Variants in TCF3 observed in about 807,000 individuals in gnomAD.
TCF3 encodes transcription factor 3.
A neutral mutation model predicts 72.3 loss-of-function variants in TCF3; 54 were observed. The ratio of observed to expected loss-of-function variants is 0.75; its 90% CI spans 0.60 to 0.94. TCF3 has a LOEUF of 0.94. Among genes scored for constraint, TCF3 ranks in the 40% least tolerant of loss-of-function variants. TCF3 has a pLI of 0.00. For missense variants in TCF3, 1,078 were observed against 934.4 expected, an observed-to-expected ratio of 1.15 and a Z score of -2.00; for synonymous variants, 525 against 412.6, an observed-to-expected ratio of 1.27 and a Z score of -3.30.
chr19:1,650,132 T>C (rs752362228), intron 2 of TCF3, 45 bp downstream of exon 2: 28 of 1,489,942 alleles, frequency 1.9e-5, no homozygotes, highest in Non-Finnish European at 2.5e-5. Context: ...CCGTGAACTG[T>C]GGAGGCAAAG....
intron 5 of TCF3, among the ~76,000 whole-genome samples, chr19:1,629,212 G>A (rs1313588651): frequency 6.6e-6 from 1 of 152,052 alleles, no homozygotes; most frequent in Admixed American, 6.5e-5. Flanking sequence ...GGCGTTGAGG[G>A]GCTGATGCCC....
chr19:1,615,850 C>T lies in TCF3; in HGVS notation c.1451-29G>A, dbSNP rs369476320. 2.3e-5 allele frequency: 35 copies of T among 1,510,144 alleles called. No individual in the cohort carries two copies. Among genetic ancestry groups the T allele is most frequent in the Middle Eastern group, 1.8e-4 (1 of 5,582 alleles). The allele number at this position is 1,510,144 out of a possible 1,614,324, so 93.5% of individuals were successfully genotyped here. On this transcript the variant is annotated intron_variant, in intron 16 of 18. Coordinates refer to ENST00000262965, the MANE Select transcript of TCF3 (RefSeq NM_003200.5). The surrounding 1 kb of genome is among the most constrained non-coding windows in gnomAD (Gnocchi z 7.3). ...CAACAGGCCTAGGGTCAGGGGCCTGCGTCGGCCTCCAGGGCCAACTGACAT... is the reference window on the plus strand; with the variant it reads ...CAACAGGCCTAGGGTCAGGGGCCTGTGTCGGCCTCCAGGGCCAACTGACAT...
In TCF3 at chr19:1,652,449, A is replaced by C. The variant is rs1415709157; in HGVS notation, c.-189T>G. 2.6e-4 allele frequency: 26 copies of C among 100,068 alleles called. No homozygotes were observed. The highest frequency in any genetic ancestry group is 1.1e-3 in the South Asian group (3 of 2,814). 6.2% of individuals were successfully genotyped at this position (100,068 alleles called of 1,614,324 possible). On this transcript the variant is annotated 5_prime_UTR_variant, in exon 1 of 19. Coordinates refer to ENST00000262965, the MANE Select transcript of TCF3 (RefSeq NM_003200.5). ...GGCGCGCGTGGCCCGGGCCCCTCCC[A>C]CCCCCGCGTGGCCCGTCCCGCGGGG...
intron 5 of TCF3, among the ~76,000 whole-genome samples, chr19:1,627,777 G>GA (rs56728535): frequency 2.8e-4 from 42 of 150,542 alleles, no homozygotes; most frequent in African/African-American, 7.9e-4. Context: ...AGCTCACGGG[G>GA]TGAGGTGGGA....
At position 1,650,787 on chromosome 19, in the gene TCF3, C is replaced by A. The variant is rs1016347116; in HGVS notation, c.-39-500G>T. 4 of 231,314 alleles carry A rather than the reference C, an allele frequency of 1.7e-5. No homozygotes were observed. In the East Asian group the frequency reaches 1.8e-4, roughly 11 times the overall value. The allele number at this position is 231,314 out of a possible 1,614,324, so 14.3% of individuals were successfully genotyped here. A position where few individuals can be genotyped will look rare whatever the true frequency, so the allele number is the denominator to read the frequency against. On this transcript the variant is annotated intron_variant, in intron 1 of 18. Transcript: ENST00000262965. ...GCACAGCCCGTTGAAGACCAGGTCGCCCCCAAATTCAACATGAAGGAAATC... is the reference window on the plus strand; with the variant it reads ...GCACAGCCCGTTGAAGACCAGGTCGACCCCAAATTCAACATGAAGGAAATC...
rs1329744464 is a variant in TCF3 at position 1,610,938 on chromosome 19, G to T, written c.*769C>A. 3 of 130,176 alleles carry T rather than the reference G, an allele frequency of 2.3e-5. No homozygotes were observed. Among genetic ancestry groups the T allele is most frequent in the African/African-American group, 3.3e-5 (1 of 30,480 alleles). The allele number at this position is 130,176 out of a possible 1,614,324, so 8.1% of individuals were successfully genotyped here. A position where few individuals can be genotyped will look rare whatever the true frequency, so the allele number is the denominator to read the frequency against. On this transcript the variant is annotated 3_prime_UTR_variant, in exon 19 of 19. Coordinates refer to ENST00000262965, the MANE Select transcript of TCF3 (RefSeq NM_003200.5). ...GCAGTGGCTTCCGGGGGGGGGGGGG[G>T]ACGGGGGGGCTCAGGTTTACACGGG...
intron 2 of TCF3, among the ~76,000 whole-genome samples, chr19:1,648,374 C>T (rs927372032): frequency 3.3e-5 from 5 of 152,138 alleles, no homozygotes; most frequent in East Asian, 1.9e-4. Flanking sequence ...CCGGAGAGGA[C>T]GGGCACCTCG....
chr19:1,651,921 C>A (rs2067159258), intron 1 of TCF3, among the ~76,000 whole-genome samples: 1 of 151,046 alleles, frequency 6.6e-6, no homozygotes, highest in Non-Finnish European at 1.5e-5. Flanking sequence ...GGGCCGGGCC[C>A]CCCTCTACCC....
intron 16 of TCF3, chr19:1,616,473 CAA>C (rs755264667): frequency 8.8e-5 from 11 of 124,700 alleles, no homozygotes; most frequent in Admixed American, 8.2e-5. Flanking sequence ...GACTCCGTCT[CAA>C]AAAAAAAAAA....
intron 2 of TCF3, among the ~76,000 whole-genome samples, chr19:1,647,877 G>T (rs1051017116): frequency 6.6e-6 from 1 of 152,196 alleles, no homozygotes; most frequent in African/African-American, 2.4e-5. Context: ...ATGGACCGAG[G>T]GCTCTGGCTG....
At chr19:1,629,767 A>G (rs907636557) in intron 5 of TCF3, among the ~76,000 whole-genome samples, 5 of 152,184 alleles carry the variant, frequency 3.3e-5, no homozygotes, top group East Asian at 1.9e-4. Flanking sequence ...AGTAATGTAC[A>G]TTATTCTCAA....
rs540385028 is a variant in TCF3, at chr19:1,619,094, C to T, written c.1450+17G>A. On this transcript the variant is annotated intron_variant, in intron 16 of 18. Coordinates refer to ENST00000262965, the MANE Select transcript of TCF3 (RefSeq NM_003200.5). ...ACTGGAACCAGGAGTCGGACAGTCC[C>T]AAGCTCAAGGGCTTACCACTGTAGG... The T allele has an allele frequency of 1.9e-6, 3 of 1,599,122 alleles. No homozygotes were observed. The highest frequency in any genetic ancestry group is 8.5e-7 in the Non-Finnish European group (1 of 1,179,666).
chr19:1,610,670 G>C lies in TCF3; in HGVS notation c.*1037C>G, dbSNP rs1189640037. 2 of 230,710 alleles carry C rather than the reference G, an allele frequency of 8.7e-6. No homozygotes were observed. The highest frequency in any genetic ancestry group is 8.6e-6 in the Non-Finnish European group (1 of 116,568). 14.3% of individuals were successfully genotyped at this position (230,710 alleles called of 1,614,324 possible). A position where few individuals can be genotyped will look rare whatever the true frequency, so the allele number is the denominator to read the frequency against. ...GGGGGCCTGGGGAGGGCGTTGTGTAGGGTAGCCCTGGGGGCCACAGCTGCT... is the reference window on the plus strand; with the variant it reads ...GGGGGCCTGGGGAGGGCGTTGTGTACGGTAGCCCTGGGGGCCACAGCTGCT... On this transcript the variant is annotated 3_prime_UTR_variant, in exon 19 of 19. Coordinates refer to ENST00000262965, the MANE Select transcript of TCF3 (RefSeq NM_003200.5).
rs1417098132 is a variant in TCF3 at position 1,610,134 on chromosome 19, AAGG to A, written c.*1570_*1572del. 4.3e-6 allele frequency: 1 copy of A among 232,178 alleles called. No homozygotes were observed. The highest frequency in any genetic ancestry group is 6.1e-5 in the East Asian group (1 of 16,466). The allele number at this position is 232,178 out of a possible 1,614,324, so 14.4% of individuals were successfully genotyped here. On this transcript the variant is annotated 3_prime_UTR_variant, in exon 19 of 19. Coordinates refer to ENST00000262965, the MANE Select transcript of TCF3 (RefSeq NM_003200.5). ...TTACCCTCATGGCAAAAGACCAGAA[AAGG>A]AGACCTGGAGAGAGGCCTGGGTGCT... is the stretch of plus-strand genomic sequence containing the variant.
chr19:1,646,549 T>C (rs529556684), intron 2 of TCF3, 122 bp from the exon 3 acceptor site: 366 of 844,196 alleles, frequency 4.3e-4, no homozygotes, highest in Non-Finnish European at 5.6e-4. Context: ...CTGCGCTCCA[T>C]CTAGGCCCGG....
rs149737199 is a variant in TCF3 at position 1,649,658 on chromosome 19, A to G, written c.72+519T>C. Among the ~76,000 whole-genome samples, 258 of 152,174 alleles carry G rather than the reference A, an allele frequency of 1.7e-3. 1 individual carries two copies. The highest frequency in any genetic ancestry group is 5.9e-3 in the African/African-American group (244 of 41,524). ...GCTGGACTTGGAACTCCTGGCCTCA[A>G]GCGATCCTCCCGCCTCAGCCTCCCA... On this transcript the variant is annotated intron_variant, in intron 2 of 18. Coordinates refer to ENST00000262965, the MANE Select transcript of TCF3 (RefSeq NM_003200.5).
rs115475254 is a variant in TCF3, at chr19:1,618,787, G to A, written c.1450+324C>T. Among the ~76,000 whole-genome samples the A allele has an allele frequency of 9.3e-3, 1,417 of 152,314 alleles. 14 individuals are homozygous for A. Among genetic ancestry groups the A allele is most frequent in the African/African-American group, 0.03 (1,251 of 41,566 alleles). The stretch of plus-strand genomic sequence containing the variant: ...CCCTGGCACCTGTACTGTGCAGCGA[G>A]CTCCTGGTCTGTCTCCCCTGAGGCA... On this transcript the variant is annotated intron_variant, in intron 16 of 18. Coordinates refer to ENST00000262965, the MANE Select transcript of TCF3 (RefSeq NM_003200.5).
At position 1,611,861 on chromosome 19, in the gene TCF3, G is replaced by T. The variant is rs764890952; in HGVS notation, c.1823-12C>A. The T allele has an allele frequency of 6.2e-7, 1 of 1,604,822 alleles. No individual in the cohort carries two copies. Among genetic ancestry groups the T allele is most frequent in the Non-Finnish European group, 8.5e-7 (1 of 1,176,004 alleles). On this transcript the variant is annotated splice_polypyrimidine_tract_variant and intron_variant, in intron 18 of 18. Transcript: ENST00000262965. Reference sequence around the variant, plus strand: ...ATTCAGGTTCCGCTCTGGAGGGAGGGGGGAGAGCTCTGTGGGAGACGGTCC... The same window carrying T: ...ATTCAGGTTCCGCTCTGGAGGGAGGTGGGAGAGCTCTGTGGGAGACGGTCC...
At position 1,625,620 on chromosome 19, in the gene TCF3, G is replaced by A; in HGVS notation, c.455C>T (p.Ser152Phe). The A allele has an allele frequency of 4.4e-6, 7 of 1,581,778 alleles. No individual in the cohort carries two copies. Among genetic ancestry groups the A allele is most frequent in the Non-Finnish European group, 6.0e-6 (7 of 1,166,500 alleles). Reference protein sequence around the residue: ...GMKGTSQYYPSYSGSSRRRAA... With the variant: ...GMKGTSQYYPFYSGSSRRRAA... Reference sequence around the variant, plus strand: ...TCTCCGCCGGGAGCTGCCGGAGTAGGAGGGGTAGTACTGGGAGGTCCCCTT... The same window carrying A: ...TCTCCGCCGGGAGCTGCCGGAGTAGAAGGGGTAGTACTGGGAGGTCCCCTT... The change falls in exon 7 of 19, where the codon TCC becomes TTC. Residue 152 changes from serine to phenylalanine, a missense_variant. By Grantham distance (155) the Ser-to-Phe change is radical (BLOSUM62 -2). Coordinates refer to ENST00000262965, the MANE Select transcript of TCF3 (RefSeq NM_003200.5).
Sources: gnomAD v4.1 joint callset for allele counts (sites outside exome capture counted in the v4.1 genomes callset) on GRCh38, gnomAD v4.1.1 for gene constraint, Gnocchi (gnomAD v3.1) non-coding constraint, MANE v1.5 for transcripts, NCBI Gene and HGNC (gene_info 2026-07-23, HGNC 2026-07-21) for gene names.